Variants in PIBF1 observed in about 807,000 individuals in gnomAD.
PIBF1 encodes the protein progesterone immunomodulatory binding factor 1.
Under a neutral mutation model 112.5 loss-of-function variants are expected in PIBF1, and 90 were observed. That is an observed-to-expected ratio of 0.80 (90% CI 0.67 to 0.95). The LOEUF (loss-of-function observed/expected upper bound fraction) is 0.95. PIBF1 is among the 40% of genes least tolerant of loss of function. The probability of loss-of-function intolerance (pLI) is 0.00; values close to 1 mark genes in which losing one functional copy is unlikely to be tolerated. For synonymous variants in PIBF1, 301 were observed against 288.6 expected (o/e 1.04, Z -0.44); for missense variants, 915 against 852.3 (o/e 1.07, Z -0.92).
chr13:72,790,300 A>G lies in PIBF1; in HGVS notation c.253-2147A>G, dbSNP rs145842284. Among the ~76,000 whole-genome samples, 1,024 of 152,238 alleles carry G rather than the reference A, an allele frequency of 6.7e-3. 8 individuals carry two copies. Among genetic ancestry groups the G allele is most frequent in the Middle Eastern group, 0.017 (5 of 294 alleles). On this transcript the variant is annotated intron_variant, in intron 2 of 17. Transcript: ENST00000326291. ...GGCTTATTTAACTGGGGCCATTTAT[A>G]AGAATGGAAGGCTGGGAGAAAACTG...
At chr13:73,002,130 C>T (rs1387656979) in intron 17 of PIBF1, among the ~76,000 whole-genome samples, 2 of 152,108 alleles carry the variant, frequency 1.3e-5, no homozygotes, top group African/African-American at 4.8e-5. Context: ...AGGACAGAAA[C>T]TGTATTCCTT....
intron 17 of PIBF1, among the ~76,000 whole-genome samples, chr13:73,004,495 A>G (rs201310455): frequency 1.1e-5 from 1 of 89,462 alleles, no homozygotes; most frequent in Non-Finnish European, 2.6e-5. Context: ...GTCTCAAAAA[A>G]AAAAAAAAAG....
At position 72,900,445 on chromosome 13, in the gene PIBF1, C is replaced by T. The variant is rs188116323; in HGVS notation, c.1488+6496C>T. ...ACAGAATAGAGAACCAGAAATAAAC[C>T]CAAATACTTACAGCCAACTGACCTT... On this transcript the variant is annotated intron_variant, in intron 11 of 17. Transcript: ENST00000326291. Among the ~76,000 whole-genome samples, 364 of 152,070 alleles carry T rather than the reference C, an allele frequency of 2.4e-3. 1 individual carries two copies. The highest frequency in any genetic ancestry group is 8.2e-3 in the African/African-American group (341 of 41,480).
chr13:72,845,288 G>A (rs571412258), intron 9 of PIBF1, among the ~76,000 whole-genome samples: 20 of 152,104 alleles, frequency 1.3e-4, no homozygotes, highest in African/African-American at 4.3e-4. Flanking sequence ...TTCTAGCTTC[G>A]TATCCATGTC....
intron 10 of PIBF1, among the ~76,000 whole-genome samples, chr13:72,871,301 G>GTCTCTCTT (rs1462259256): frequency 3.3e-5 from 5 of 151,954 alleles, no homozygotes; most frequent in Admixed American, 1.3e-4. Flanking sequence ...CTGTCTCTCT[G>GTCTCTCTT]TCTCTCTTTC....
At chr13:72,855,336 T>C (rs1167012730) in intron 10 of PIBF1, among the ~76,000 whole-genome samples, 5 of 152,216 alleles carry the variant, frequency 3.3e-5, no homozygotes, top group African/African-American at 1.2e-4. Flanking sequence ...ATAAATGTTA[T>C]ATTGAAGAAG....
intron 10 of PIBF1, among the ~76,000 whole-genome samples, chr13:72,858,683 T>C (rs2038554964): frequency 6.6e-6 from 1 of 152,240 alleles, no homozygotes; most frequent in African/African-American, 2.4e-5. Context: ...TCATACATAT[T>C]GAAACTTACA....
At chr13:72,920,814 A>G (rs1370550733) in intron 13 of PIBF1, among the ~76,000 whole-genome samples, 1 of 150,430 alleles carries the variant, frequency 6.6e-6, no homozygotes, top group African/African-American at 2.4e-5. Flanking sequence ...AAAAGAAAAG[A>G]AAAAAAAAAT....
At chr13:73,003,006 A>AAAAAAAC (rs2043921458) in intron 17 of PIBF1, among the ~76,000 whole-genome samples, 1 of 150,346 alleles carries the variant, frequency 6.7e-6, no homozygotes, top group Admixed American at 6.6e-5. Flanking sequence ...AAAAAAAAAA[A>AAAAAAAC]AGCCTTAGGC....
At chr13:72,973,359 GA>G (rs1336822996) in intron 15 of PIBF1, among the ~76,000 whole-genome samples, 1 of 151,084 alleles carries the variant, frequency 6.6e-6, no homozygotes, top group Non-Finnish European at 1.5e-5. Context: ...GAAAAGAGGA[GA>G]GGGAAGAAAG....
chr13:72,850,798 A>C (rs1344563354), intron 9 of PIBF1, among the ~76,000 whole-genome samples: 11 of 152,056 alleles, frequency 7.2e-5, no homozygotes, highest in African/African-American at 2.7e-4. Flanking sequence ...TTTATGTTTC[A>C]GTTTGTTTGA....
chr13:72,822,365 G>A (rs999194867), intron 6 of PIBF1, among the ~76,000 whole-genome samples: 4 of 151,676 alleles, frequency 2.6e-5, no homozygotes, highest in Admixed American at 1.3e-4. Context: ...AAAAAAAAAT[G>A]ACACTTTCTG....
chr13:72,900,705 C>T (rs2040452334), intron 11 of PIBF1, among the ~76,000 whole-genome samples: 2 of 152,094 alleles, frequency 1.3e-5, no homozygotes. Flanking sequence ...ATTCCATGAC[C>T]AGAAACCCAA....
intron 17 of PIBF1, among the ~76,000 whole-genome samples, chr13:73,010,726 A>G (rs2044170959): frequency 6.6e-6 from 1 of 151,398 alleles, no homozygotes; most frequent in Non-Finnish European, 1.5e-5. Flanking sequence ...ATTGTATAAG[A>G]ATCATGCAAT....
intron 5 of PIBF1, among the ~76,000 whole-genome samples, chr13:72,803,350 T>C (rs147472111): frequency 2.0e-3 from 307 of 152,122 alleles, no homozygotes; most frequent in Non-Finnish European, 3.5e-3. Context: ...TCGACAACGG[T>C]AGAAGGACAT....
intron 9 of PIBF1, among the ~76,000 whole-genome samples, chr13:72,835,603 C>G (rs1443783750): frequency 1.3e-5 from 2 of 150,876 alleles, no homozygotes; most frequent in East Asian, 3.9e-4. Flanking sequence ...TTTTTTTTAC[C>G]CTAGTGACTT....
intron 10 of PIBF1, among the ~76,000 whole-genome samples, chr13:72,872,040 A>T (rs1405926780): frequency 6.6e-6 from 1 of 152,186 alleles, no homozygotes; most frequent in Non-Finnish European, 1.5e-5. Flanking sequence ...ATAGCCTAGG[A>T]GGTTATGATA....
chr13:72,797,424 G>T (rs1283362595), intron 4 of PIBF1, among the ~76,000 whole-genome samples: 4 of 152,160 alleles, frequency 2.6e-5, no homozygotes, highest in African/African-American at 9.7e-5. Flanking sequence ...AAGAGCAGGG[G>T]TGAAAAATAG....
chr13:72,856,180 G>A (rs529171929), intron 10 of PIBF1, among the ~76,000 whole-genome samples: 1 of 152,278 alleles, frequency 6.6e-6, no homozygotes, highest in South Asian at 2.1e-4. Flanking sequence ...ATTATTTAAT[G>A]TTTGTATAGC....
Sources: allele counts gnomAD v4.1 joint callset (sites outside exome capture counted in the v4.1 genomes callset), GRCh38; gene constraint gnomAD v4.1.1; transcripts MANE v1.5; gene names NCBI Gene and HGNC (gene_info 2026-07-23, HGNC 2026-07-21).